C8orf34: variants seen among roughly 807,000 people sequenced by gnomAD.
The protein encoded by C8orf34 is chromosome 8 open reading frame 34.
A neutral mutation model predicts 68.3 loss-of-function variants in C8orf34; 65 were observed. The observed-to-expected ratio is 0.95, with a 90% CI of 0.78 to 1.17. The LOEUF (loss-of-function observed/expected upper bound fraction) is 1.17, where lower values mean the gene tolerates loss of function less well. Ranked by LOEUF, C8orf34 falls within the 50% of genes most tolerant of loss-of-function variation. The probability of loss-of-function intolerance (pLI) is 0.00; values close to 1 mark genes in which losing one functional copy is unlikely to be tolerated. For missense variants in C8orf34, 664 were observed against 655.4 expected (o/e 1.01, Z -0.14); for synonymous variants, 244 against 241.2 (o/e 1.01, Z -0.11).
At chr8:68,411,709 T>C (rs989683199) in intron 1 of C8orf34, among the ~76,000 whole-genome samples, 1 of 152,228 alleles carries the variant, frequency 6.6e-6, no homozygotes, top group African/African-American at 2.4e-5. Context: ...AGAACTGTAT[T>C]ACCAGCAATT....
intron 1 of C8orf34, among the ~76,000 whole-genome samples, chr8:68,416,142 C>A (rs1392809614): frequency 2.0e-5 from 3 of 152,122 alleles, no homozygotes; most frequent in Non-Finnish European, 2.9e-5. Flanking sequence ...ACTTTGGGTT[C>A]TACTAGGAAG....
intron 1 of C8orf34, among the ~76,000 whole-genome samples, chr8:68,395,453 G>GC (rs1233483050): frequency 6.6e-6 from 1 of 151,712 alleles, no homozygotes; most frequent in African/African-American, 2.4e-5. Flanking sequence ...CTGGAATGGG[G>GC]CCCCCTGTTT....
chr8:68,438,956 G>A (rs2129625699), intron 1 of C8orf34: 1 of 152,270 alleles, frequency 6.6e-6, no homozygotes, highest in South Asian at 2.1e-4. Context: ...TACAAAAACA[G>A]AATTCGGTAT....
chr8:68,699,581 A>G (rs1820930379), intron 8 of C8orf34, among the ~76,000 whole-genome samples: 1 of 152,088 alleles, frequency 6.6e-6, no homozygotes, highest in South Asian at 2.1e-4. Flanking sequence ...ATCTGCCTGG[A>G]AAATCTGGTT....
chr8:68,817,573 T>C (rs948003281), intron 13 of C8orf34, among the ~76,000 whole-genome samples: 1 of 152,156 alleles, frequency 6.6e-6, no homozygotes. Context: ...TATGGTCTAA[T>C]TGGCGAATCA....
intron 10 of C8orf34, among the ~76,000 whole-genome samples, chr8:68,743,533 G>A (rs1034429921): frequency 6.6e-6 from 1 of 152,214 alleles, no homozygotes; most frequent in Non-Finnish European, 1.5e-5. Flanking sequence ...CGCACACCGT[G>A]CGCAAGCCGA....
At chr8:68,802,105 T>C (rs1824345760) in intron 12 of C8orf34, among the ~76,000 whole-genome samples, 3 of 152,154 alleles carry the variant, frequency 2.0e-5, no homozygotes, top group Admixed American at 2.0e-4. Flanking sequence ...TTTCTTTATT[T>C]TTTATTTTTT....
chr8:68,367,642 C>A (rs1807335802), intron 1 of C8orf34, among the ~76,000 whole-genome samples: 1 of 138,134 alleles, frequency 7.2e-6, no homozygotes, highest in Non-Finnish European at 1.5e-5. Flanking sequence ...AGTAAACTAT[C>A]ACAAGAACAA....
intron 8 of C8orf34, among the ~76,000 whole-genome samples, chr8:68,642,367 CTG>C (rs1819037084): frequency 6.6e-6 from 1 of 152,154 alleles, no homozygotes; most frequent in Admixed American, 6.5e-5. Context: ...AGATTCTAGA[CTG>C]TTCATTTTAG....
intron 1 of C8orf34, among the ~76,000 whole-genome samples, chr8:68,364,802 C>A (rs1311510240): frequency 6.7e-6 from 1 of 149,470 alleles, no homozygotes; most frequent in Non-Finnish European, 1.5e-5. Context: ...AGGAAAGATC[C>A]AAAATTGACA....
chr8:68,340,287 TATA>T (rs1806017576), intron 1 of C8orf34, among the ~76,000 whole-genome samples: 1 of 152,072 alleles, frequency 6.6e-6, no homozygotes, highest in Non-Finnish European at 1.5e-5. Flanking sequence ...ATACATATAA[TATA>T]ATACTATTCT....
At chr8:68,375,091 C>T (rs1270795712) in intron 1 of C8orf34, among the ~76,000 whole-genome samples, 1 of 152,120 alleles carries the variant, frequency 6.6e-6, no homozygotes, top group African/African-American at 2.4e-5. Context: ...AGAGATGGAT[C>T]TGTGATTACT....
chr8:68,468,761 T>C lies in C8orf34; in HGVS notation c.677T>C (p.Leu226Ser), dbSNP rs763529734. 3 of 1,612,576 alleles carry C rather than the reference T, an allele frequency of 1.9e-6. No individual in the cohort carries two copies. The African/African-American group carries it at 4.0e-5, about 22-fold the overall frequency. ...CCACAAAGCCGTGATTTTGATGAAT[T>C]GAATCACATCCTTCAGGAGAGCAAG... is the stretch of plus-strand genomic sequence containing the variant. ...TKPQSRDFDELNHILQESKKL... is the reference protein window; with the variant it reads ...TKPQSRDFDESNHILQESKKL... Residue 226 changes from leucine to serine, a missense_variant, in exon 4 of 14, where the codon TTG becomes TCG. Physicochemically the swap from Leu to Ser is moderately radical, Grantham distance 145. Coordinates refer to ENST00000518698, the MANE Select transcript of C8orf34 (RefSeq NM_052958.4).
intron 6 of C8orf34, among the ~76,000 whole-genome samples, chr8:68,529,541 T>G (rs1424648152): frequency 6.6e-6 from 1 of 152,244 alleles, no homozygotes; most frequent in Non-Finnish European, 1.5e-5. Flanking sequence ...TCAGTGGGAA[T>G]GCTGATACAT....
At chr8:68,648,801 T>A (rs1819256929) in intron 8 of C8orf34, among the ~76,000 whole-genome samples, 1 of 152,232 alleles carries the variant, frequency 6.6e-6, no homozygotes, top group African/African-American at 2.4e-5. Context: ...AGATTGTTCT[T>A]CATTTCTCCT....
chr8:68,435,670 C>T (rs1810633903), intron 1 of C8orf34, among the ~76,000 whole-genome samples: 1 of 152,198 alleles, frequency 6.6e-6, no homozygotes, highest in East Asian at 1.9e-4. Flanking sequence ...TTCTGAATCT[C>T]CTACACATTT....
At chr8:68,588,703 G>C (rs1393497810) in intron 7 of C8orf34, among the ~76,000 whole-genome samples, 1 of 152,078 alleles carries the variant, frequency 6.6e-6, no homozygotes, top group Non-Finnish European at 1.5e-5. Context: ...GTGGAAAATT[G>C]GATAGTTTCA....
intron 10 of C8orf34, among the ~76,000 whole-genome samples, chr8:68,773,985 A>C (rs1823429002): frequency 1.3e-5 from 2 of 152,160 alleles, no homozygotes; most frequent in African/African-American, 2.4e-5. Context: ...AGCTCCAAGG[A>C]AACACATCGC....
chr8:68,398,245 T>C (rs34375472), intron 1 of C8orf34, among the ~76,000 whole-genome samples: 10,824 of 152,204 alleles, frequency 0.071, 452 homozygotes, highest in Middle Eastern at 0.11. Flanking sequence ...TTATTTAGTC[T>C]TTTAGCCAAC....
Sources: gnomAD v4.1 joint callset for allele counts (sites outside exome capture counted in the v4.1 genomes callset) on GRCh38, gnomAD v4.1.1 for gene constraint, MANE v1.5 for transcripts, NCBI Gene and HGNC (gene_info 2026-07-23, HGNC 2026-07-21) for gene names.